The following SMYD3 variants were observed in gnomAD, a reference collection of about 807,000 sequenced individuals.
SMYD3 encodes the protein histone-lysine N-methyltransferase SMYD3.
In SMYD3, 36 loss-of-function variants were observed where a neutral mutation model predicts 57.7. That is an observed-to-expected ratio of 0.62 (90% CI 0.48 to 0.82). The LOEUF is 0.82. Among genes scored for constraint, SMYD3 ranks in the 40% least tolerant of loss-of-function variants. The pLI is 0.00. For synonymous variants in SMYD3, 211 were observed against 195.0 expected (o/e 1.08, Z -0.68); for missense variants, 515 against 538.8 (o/e 0.96, Z 0.44).
At position 246,346,370 on chromosome 1, in the gene SMYD3, G is replaced by A. The variant is rs141021112; in HGVS notation, c.228+8661C>T. 2.1e-3 allele frequency among the ~76,000 whole-genome samples: 320 copies of A among 152,258 alleles called. 1 individual carries two copies. Among genetic ancestry groups the A allele is most frequent in the African/African-American group, 7.6e-3 (314 of 41,560 alleles). On this transcript the variant is annotated intron_variant, in intron 2 of 11. Coordinates refer to ENST00000490107, the MANE Select transcript of SMYD3 (RefSeq NM_001167740.2). Reference sequence around the variant, plus strand: ...TCACACTACTAAAGGCCTATTTACAGTGGTTCCTTTTACATCACGTCTAGC... The same window carrying A: ...TCACACTACTAAAGGCCTATTTACAATGGTTCCTTTTACATCACGTCTAGC...
chr1:246,272,403 A>G (rs76392962), intron 5 of SMYD3, among the ~76,000 whole-genome samples: 6,365 of 152,308 alleles, frequency 0.042, 214 homozygotes, highest in African/African-American at 0.081. Flanking sequence ...GTAAGATGTT[A>G]GCTATGGGTT....
intron 5 of SMYD3, among the ~76,000 whole-genome samples, chr1:246,184,160 A>G (rs747016869): frequency 1.1e-4 from 17 of 152,220 alleles, no homozygotes; most frequent in Admixed American, 2.6e-4. Flanking sequence ...TAGAAAAACC[A>G]GGAGTTAAAA....
chr1:246,255,918 A>G (rs72776334), intron 5 of SMYD3, among the ~76,000 whole-genome samples: 30,725 of 148,516 alleles, frequency 0.21, 3,919 homozygotes, highest in East Asian at 0.58. Flanking sequence ...TTAGAGGGAC[A>G]TAACTAATAA....
chr1:245,918,556 T>C (rs2055620984), intron 7 of SMYD3, among the ~76,000 whole-genome samples: 1 of 152,224 alleles, frequency 6.6e-6, no homozygotes, highest in African/African-American at 2.4e-5. Flanking sequence ...CAGGGTTGCC[T>C]CTGAGGCACA....
rs145882482 is a variant in SMYD3, at chr1:245,824,039, C to T, written c.1076+34457G>A. 1.5e-3 allele frequency among the ~76,000 whole-genome samples: 224 copies of T among 152,272 alleles called. 1 individual carries two copies. The highest frequency in any genetic ancestry group is 5.1e-3 in the African/African-American group (213 of 41,550). On this transcript the variant is annotated intron_variant, in intron 10 of 11. Transcript: ENST00000490107. ...CCAGGGTCACATTTTTTGTTACATA[C>T]CAGCTTCCTCCCCTACTCACGACTG...
At chr1:246,028,558 A>T (rs990088084) in intron 5 of SMYD3, among the ~76,000 whole-genome samples, 50 of 152,180 alleles carry the variant, frequency 3.3e-4, no homozygotes, top group African/African-American at 1.2e-3. Flanking sequence ...GACAACTATG[A>T]AACACTGATG....
intron 8 of SMYD3, among the ~76,000 whole-genome samples, chr1:245,892,046 G>T (rs1165078458): frequency 6.6e-6 from 1 of 151,126 alleles, no homozygotes; most frequent in Non-Finnish European, 1.5e-5. Flanking sequence ...ACAGAAAAAA[G>T]AAAGAAAGAA....
At chr1:246,285,327 A>G (rs927516318) in intron 5 of SMYD3, among the ~76,000 whole-genome samples, 1 of 152,166 alleles carries the variant, frequency 6.6e-6, no homozygotes, top group African/African-American at 2.4e-5. Context: ...ATATTCCATC[A>G]TGTATATATA....
chr1:246,107,881 A>G (rs1404614054), intron 5 of SMYD3, among the ~76,000 whole-genome samples: 1 of 152,244 alleles, frequency 6.6e-6, no homozygotes, highest in African/African-American at 2.4e-5. Flanking sequence ...TGTTTACACC[A>G]CAGAGCCACA....
At position 245,988,081 on chromosome 1, in the gene SMYD3, C is replaced by T. The variant is rs181776271; in HGVS notation, c.532-58144G>A. On this transcript the variant is annotated intron_variant, in intron 5 of 11. Coordinates refer to ENST00000490107, the MANE Select transcript of SMYD3 (RefSeq NM_001167740.2). ...TCACTAGGAGGCAGGTTTGGCTTTA[C>T]GTTATTAAACAGACAAACCAAACCA... Among the ~76,000 whole-genome samples, 23 of 149,308 alleles carry T rather than the reference C, an allele frequency of 1.5e-4. No individual in the cohort carries two copies. In the East Asian group the frequency reaches 3.0e-3, roughly 19 times the overall value.
intron 5 of SMYD3, among the ~76,000 whole-genome samples, chr1:246,222,850 T>C (rs1483894735): frequency 6.6e-6 from 1 of 152,044 alleles, no homozygotes; most frequent in Non-Finnish European, 1.5e-5. Context: ...AGGGGCAGAG[T>C]TGTCCTACAG....
intron 5 of SMYD3, among the ~76,000 whole-genome samples, chr1:246,148,488 C>T (rs1027329950): frequency 1.3e-5 from 2 of 152,110 alleles, no homozygotes; most frequent in Admixed American, 1.3e-4. Context: ...CTTCACCTTC[C>T]ACTTCTCTGA....
At chr1:246,230,950 ATCTC>A (rs2063400066) in intron 5 of SMYD3, among the ~76,000 whole-genome samples, 1 of 152,216 alleles carries the variant, frequency 6.6e-6, no homozygotes, top group African/African-American at 2.4e-5. Context: ...TCACAGTAGT[ATCTC>A]TCTCAGTTAC....
chr1:245,820,394 T>C (rs1205540305), intron 10 of SMYD3, among the ~76,000 whole-genome samples: 21 of 141,526 alleles, frequency 1.5e-4, no homozygotes, highest in Non-Finnish European at 3.0e-4. Context: ...TGGGATGTAT[T>C]TCAAAATAAT....
chr1:246,285,611 AG>A (rs2064544228), intron 5 of SMYD3, among the ~76,000 whole-genome samples: 1 of 152,240 alleles, frequency 6.6e-6, no homozygotes, highest in South Asian at 2.1e-4. Flanking sequence ...AGAACCCAAA[AG>A]CAAATGCAAC....
chr1:245,764,075 C>A lies in SMYD3; in HGVS notation c.1151G>T (p.Gly384Val), dbSNP rs866883139. The A allele has an allele frequency of 6.2e-7, 1 of 1,614,022 alleles. No individual in the cohort carries two copies. The highest frequency in any genetic ancestry group is 8.5e-7 in the Non-Finnish European group (1 of 1,179,944). The change falls in exon 11 of 12, where the codon GGC becomes GTC. Residue 384 changes from glycine (G) to valine (V), a missense_variant. Gly to Val is a moderately radical substitution (Grantham distance 109). Coordinates refer to ENST00000490107, the MANE Select transcript of SMYD3 (RefSeq NM_001167740.2). ...MKVGKLQLHQGMFPQAMKNLR... is the reference protein window; with the variant it reads ...MKVGKLQLHQVMFPQAMKNLR... ...ATTCTTCATTGCTTGGGGAAACATG[C>A]CTTGATGTAGCTGCAGTTTGCCAAC...
intron 5 of SMYD3, among the ~76,000 whole-genome samples, chr1:246,019,306 A>G (rs1340410938): frequency 6.6e-6 from 1 of 152,184 alleles, no homozygotes; most frequent in Non-Finnish European, 1.5e-5. Context: ...CCCCACGACC[A>G]AAGGTTATCC....
chr1:245,860,864 G>C (rs2051506528), intron 9 of SMYD3, among the ~76,000 whole-genome samples: 1 of 152,222 alleles, frequency 6.6e-6, no homozygotes. Context: ...CACATTGCTA[G>C]ACATTTCTGT....
chr1:246,015,263 G>C (rs1187537378), intron 5 of SMYD3, among the ~76,000 whole-genome samples: 1 of 151,996 alleles, frequency 6.6e-6, no homozygotes, highest in Admixed American at 6.6e-5. Flanking sequence ...CAAAACTTCA[G>C]AGGAAAAAGG....
Sources: allele counts gnomAD v4.1 joint callset (sites outside exome capture counted in the v4.1 genomes callset), GRCh38; gene constraint gnomAD v4.1.1; transcripts MANE v1.5; gene names NCBI Gene and HGNC (gene_info 2026-07-23, HGNC 2026-07-21).